Variants in SH2B3 observed in about 807,000 individuals in gnomAD.
SH2B3 encodes SH2B adapter protein 3.
A neutral mutation model predicts 51.9 loss-of-function variants in SH2B3; 43 were observed. That is an observed-to-expected ratio of 0.83 (90% CI 0.65 to 1.07). SH2B3 has a LOEUF of 1.07. SH2B3 is among the 50% of genes least tolerant of loss of function. SH2B3 has a pLI of 0.00. For synonymous variants in SH2B3, 396 were observed against 376.0 expected (o/e 1.05, Z -0.62); for missense variants, 952 against 834.3 (o/e 1.14, Z -1.74).
In SH2B3 at chr12:111,406,712, G is replaced by A. The variant is rs888741365; in HGVS notation, c.-28+435G>A. Among the ~76,000 whole-genome samples, 2 of 152,178 alleles carry A rather than the reference G, an allele frequency of 1.3e-5. No homozygotes were observed. Among genetic ancestry groups the A allele is most frequent in the Non-Finnish European group, 2.9e-5 (2 of 68,022 alleles). ...AGCCCTTGGGTGTGGGGGCAGCGGG[G>A]GAGGATGCGCCGGCCCCTCCCCACT... On this transcript the variant is annotated intron_variant, in intron 1 of 7. Coordinates refer to ENST00000341259, the MANE Select transcript of SH2B3 (RefSeq NM_005475.3). This position sits in a 1 kb window ranked among gnomAD's most constrained non-coding sequence, Gnocchi z 5.7.
At chr12:111,412,067 C>T (rs1183499539) in intron 1 of SH2B3, among the ~76,000 whole-genome samples, 2 of 152,322 alleles carry the variant, frequency 1.3e-5, no homozygotes, top group South Asian at 4.1e-4. Flanking sequence ...GCCCCCAACT[C>T]ATACCCTACA....
chr12:111,439,491 G>A (rs1351875734), intron 2 of SH2B3, among the ~76,000 whole-genome samples: 2 of 152,048 alleles, frequency 1.3e-5, no homozygotes, highest in Non-Finnish European at 2.9e-5. Flanking sequence ...TCACCATATT[G>A]GCCAGGCTGG....
rs1874031566 is a variant in SH2B3 at position 111,446,936 on chromosome 12, T to A, written c.835-6T>A. On this transcript the variant is annotated splice_polypyrimidine_tract_variant and splice_region_variant and intron_variant, in intron 3 of 7. Coordinates refer to ENST00000341259, the MANE Select transcript of SH2B3 (RefSeq NM_005475.3). ...GACCCAACCCTGTTCCCTTCCTCCCTGCCAGGTGAAGGACCGGACAGACAT... is the reference window on the plus strand; with the variant it reads ...GACCCAACCCTGTTCCCTTCCTCCCAGCCAGGTGAAGGACCGGACAGACAT... 1 of 1,613,176 alleles carries A rather than the reference T, an allele frequency of 6.2e-7. No homozygotes were observed. The highest frequency in any genetic ancestry group is 8.5e-7 in the Non-Finnish European group (1 of 1,179,152).
chr12:111,447,044 G>C lies in SH2B3; in HGVS notation c.926+11G>C, dbSNP rs1385685907. On this transcript the variant is annotated intron_variant, in intron 4 of 7. Coordinates refer to ENST00000341259, the MANE Select transcript of SH2B3 (RefSeq NM_005475.3). ...GTGCACAGGCCGAGGGTGAGGTCCTGGGCCCTCGTCCCTGGCACCACCTTT... is the reference window on the plus strand; with the variant it reads ...GTGCACAGGCCGAGGGTGAGGTCCTCGGCCCTCGTCCCTGGCACCACCTTT... The C allele has an allele frequency of 1.7e-5, 27 of 1,610,978 alleles. No homozygotes were observed. The highest frequency in any genetic ancestry group is 2.3e-5 in the Non-Finnish European group (27 of 1,177,172).
At position 111,418,561 on chromosome 12, in the gene SH2B3, G is replaced by A. The variant is rs750857643; in HGVS notation, c.416G>A (p.Arg139His). ...PPGPCSFQHFRRSLRHIFRRR... is the reference protein window; with the variant it reads ...PPGPCSFQHFHRSLRHIFRRR... ...GGGCCCTGCTCCTTCCAGCACTTTC[G>A]CCGCAGCCTCCGCCACATCTTCCGC... The change falls in exon 2 of 8, where the codon CGC becomes CAC. Residue 139 changes from arginine to histidine, a missense_variant. By Grantham distance (29) the Arg-to-His change is conservative (BLOSUM62 0). Coordinates refer to ENST00000341259, the MANE Select transcript of SH2B3 (RefSeq NM_005475.3). This position sits in a 1 kb window ranked among gnomAD's most constrained non-coding sequence, Gnocchi z 6.7. 2.0e-5 allele frequency: 29 copies of A among 1,471,444 alleles called. 1 individual carries two copies. In the African/African-American group the frequency reaches 3.4e-4, roughly 17 times the overall value. 91.1% of individuals were successfully genotyped at this position (1,471,444 alleles called of 1,614,324 possible).
Position 111,428,678 on chromosome 12 carries a change from A to G in SH2B3, c.732+9801A>G, listed in dbSNP as rs549324053. 1.2e-3 allele frequency among the ~76,000 whole-genome samples: 186 copies of G among 152,180 alleles called. 1 individual carries two copies. Among genetic ancestry groups the G allele is most frequent in the South Asian group, 7.1e-3 (34 of 4,816 alleles). ...AGCCCGGGTGTCTGATGAGTGACCC[A>G]TCCCTTGGGGGCCTCAGTTCCTGGG... On this transcript the variant is annotated intron_variant, in intron 2 of 7. Transcript: ENST00000341259.
In SH2B3 at chr12:111,448,680, A is replaced by C. The variant is rs755477425; in HGVS notation, c.*378A>C. The C allele has an allele frequency of 1.4e-5, 3 of 213,774 alleles. No homozygotes were observed. The highest frequency in any genetic ancestry group is 2.9e-5 in the Non-Finnish European group (3 of 104,868). The allele number at this position is 213,774 out of a possible 1,614,324, so 13.2% of individuals were successfully genotyped here. A position where few individuals can be genotyped will look rare whatever the true frequency, so the allele number is the denominator to read the frequency against. ...TGTCACAGCGGATGACAGACTTTCT[A>C]CGGGGAGGAGGGGGGGATCATCAGG... On this transcript the variant is annotated 3_prime_UTR_variant, in exon 8 of 8. Transcript: ENST00000341259.
rs1409929359 is a variant in SH2B3 at position 111,435,118 on chromosome 12, G to A, written c.733-11635G>A. The A allele has an allele frequency of 9.6e-7, 1 of 1,043,266 alleles. No homozygotes were observed. Among genetic ancestry groups the A allele is most frequent in the Non-Finnish European group, 1.4e-6 (1 of 725,202 alleles). The allele number at this position is 1,043,266 out of a possible 1,614,324, so 64.6% of individuals were successfully genotyped here. On this transcript the variant is annotated intron_variant, in intron 2 of 7. Coordinates refer to ENST00000341259, the MANE Select transcript of SH2B3 (RefSeq NM_005475.3). The surrounding 1 kb of genome is among the most constrained non-coding windows in gnomAD (Gnocchi z 4.8). ...GGTGCACTCTCCCCACCCGAGACGG[G>A]CGACAGAGGTTTTTTGTTGTTTCTT...
intron 2 of SH2B3, among the ~76,000 whole-genome samples, chr12:111,444,426 G>A (rs1873728640): frequency 6.6e-6 from 1 of 152,202 alleles, no homozygotes; most frequent in Non-Finnish European, 1.5e-5. Flanking sequence ...TGCTGGGAAT[G>A]GAGAAGACTT....
intron 2 of SH2B3, among the ~76,000 whole-genome samples, chr12:111,443,274 A>G (rs1387199719): frequency 6.6e-6 from 1 of 152,200 alleles, no homozygotes; most frequent in African/African-American, 2.4e-5. Flanking sequence ...CACTTCTCAG[A>G]TGACGGGACT....
intron 2 of SH2B3, among the ~76,000 whole-genome samples, chr12:111,419,223 A>G (rs889178341): frequency 6.6e-6 from 1 of 152,162 alleles, no homozygotes; most frequent in Non-Finnish European, 1.5e-5. Flanking sequence ...GGATGACTTG[A>G]GCCCAGGAGG....
chr12:111,417,610 G>A (rs950081426), intron 1 of SH2B3, among the ~76,000 whole-genome samples: 3 of 151,954 alleles, frequency 2.0e-5, no homozygotes, highest in African/African-American at 7.3e-5. Context: ...GTGCTGCAAT[G>A]CCAACTCATT....
intron 2 of SH2B3, among the ~76,000 whole-genome samples, chr12:111,431,975 G>A (rs1458526829): frequency 1.3e-5 from 2 of 152,152 alleles, no homozygotes; most frequent in African/African-American, 2.4e-5. Context: ...GCTGGGAAGG[G>A]ATTACTTTTT....
chr12:111,447,172 C>T lies in SH2B3; in HGVS notation c.974C>T (p.Pro325Leu), dbSNP rs764084507. The T allele has an allele frequency of 5.6e-6, 9 of 1,614,012 alleles. No individual in the cohort carries two copies. Among genetic ancestry groups the T allele is most frequent in the South Asian group, 1.1e-5 (1 of 91,092 alleles). The stretch of plus-strand genomic sequence containing the variant: ...ATGCATATTCCCTCAGCCCTAGAGC[C>T]TAGCACGTCCAGCTCCCCAAGGGGC... Reference protein sequence around the residue: ...AEMHIPSALEPSTSSSPRGST... With the variant: ...AEMHIPSALELSTSSSPRGST... Residue 325 changes from proline (P) to leucine (L), a missense_variant, in exon 5 of 8, where the codon CCT becomes CTT. Transcript: ENST00000341259.
rs545662171 is a variant in SH2B3, at chr12:111,409,448, C to T, written c.-28+3171C>T. Among the ~76,000 whole-genome samples, 5 of 152,302 alleles carry T rather than the reference C, an allele frequency of 3.3e-5. No individual in the cohort carries two copies. The highest frequency in any genetic ancestry group is 9.6e-5 in the African/African-American group (4 of 41,568). ...GCCCGCGGGCGTTCAGCATCTTTGA[C>T]GAGGCAGGGCAGGAAGCCGCTGCCG... On this transcript the variant is annotated intron_variant, in intron 1 of 7. Coordinates refer to ENST00000341259, the MANE Select transcript of SH2B3 (RefSeq NM_005475.3). The surrounding 1 kb of genome is among the most constrained non-coding windows in gnomAD (Gnocchi z 4.0).
chr12:111,425,239 A>G (rs897849588), intron 2 of SH2B3, among the ~76,000 whole-genome samples: 1 of 152,078 alleles, frequency 6.6e-6, no homozygotes, highest in Non-Finnish European at 1.5e-5. Context: ...AGGGGAGGCC[A>G]CAGTCTGCCA....
rs12318170 is a variant in SH2B3, at chr12:111,450,142, C to G, written c.*1840C>G. ...TTCACCATGTTGGCCAGGCTGGTCT[C>G]GAATGTCTGACCTCAGGTGATCCAC... On this transcript the variant is annotated 3_prime_UTR_variant, in exon 8 of 8. Coordinates refer to ENST00000341259, the MANE Select transcript of SH2B3 (RefSeq NM_005475.3). 1 of 152,114 alleles carries G rather than the reference C, an allele frequency of 6.6e-6. No homozygotes were observed. The highest frequency in any genetic ancestry group is 1.5e-5 in the Non-Finnish European group (1 of 68,036). The allele number at this position is 152,114 out of a possible 1,614,324, so 9.4% of individuals were successfully genotyped here. A position where few individuals can be genotyped will look rare whatever the true frequency, so the allele number is the denominator to read the frequency against.
At chr12:111,436,358 G>A (rs1279231808) in intron 2 of SH2B3, among the ~76,000 whole-genome samples, 1 of 152,230 alleles carries the variant, frequency 6.6e-6, no homozygotes, top group Non-Finnish European at 1.5e-5. Context: ...GGATGAGAGC[G>A]CTGGGGAAGG....
chr12:111,440,838 G>A (rs1178603868), intron 2 of SH2B3, among the ~76,000 whole-genome samples: 1 of 152,212 alleles, frequency 6.6e-6, no homozygotes, highest in Non-Finnish European at 1.5e-5. Context: ...CCAGGGAGGG[G>A]CCTTCTTGCT....
Sources: gnomAD v4.1 joint callset for allele counts (sites outside exome capture counted in the v4.1 genomes callset) on GRCh38, gnomAD v4.1.1 for gene constraint, Gnocchi (gnomAD v3.1) non-coding constraint, MANE v1.5 for transcripts, NCBI Gene and HGNC (gene_info 2026-07-23, HGNC 2026-07-21) for gene names.